Variants in ABR observed in about 807,000 individuals in gnomAD.
ABR encodes the protein ABR activator of RhoGEF and GTPase.
Under a neutral mutation model 107.2 loss-of-function variants are expected in ABR, and 35 were observed. The observed-to-expected ratio is 0.33, with a 90% confidence interval of 0.25 to 0.43. The LOEUF is 0.43. Ranked by LOEUF, ABR falls within the 20% of genes least tolerant of loss-of-function variation. The pLI is 1.00. For missense variants in ABR, 815 were observed against 1,115.2 expected, an observed-to-expected ratio of 0.73 and a Z score of 3.83; for synonymous variants, 498 against 462.0, an observed-to-expected ratio of 1.08 and a Z score of -1.00.
At position 1,153,386 on chromosome 17, in the gene ABR, G is replaced by GGTCC. The variant is rs879701988; in HGVS notation, c.61+26280_61+26281insGGAC. Among the ~76,000 whole-genome samples, 1,361 of 147,514 alleles carry GGTCC rather than the reference G, an allele frequency of 9.2e-3. 229 individuals are homozygous for GGTCC. The highest frequency in any genetic ancestry group is 0.021 in the Middle Eastern group (6 of 288). ...ATGGCACACCTGCGGGAGGGCTGGGGATCCAGGCACACCTGCGGGAGGGCT... is the reference window on the plus strand; with the variant it reads ...ATGGCACACCTGCGGGAGGGCTGGGGGTCCATCCAGGCACACCTGCGGGAGGGCT... On this transcript the variant is annotated intron_variant, in intron 1 of 22. Coordinates refer to ENST00000302538, the MANE Select transcript of ABR (RefSeq NM_021962.5).
At chr17:1,106,301 C>T (rs1435771778) in intron 2 of ABR, among the ~76,000 whole-genome samples, 1 of 152,050 alleles carries the variant, frequency 6.6e-6, no homozygotes, top group Non-Finnish European at 1.5e-5. Context: ...GGTAAGTACC[C>T]CTAAAGTAAA....
intron 1 of ABR, among the ~76,000 whole-genome samples, chr17:1,185,603 C>CCA (rs1416060528): frequency 1.4e-5 from 2 of 146,624 alleles, no homozygotes; most frequent in Admixed American, 1.4e-4. Context: ...CGAGATCGTG[C>CCA]CACTGCACTC....
chr17:1,082,373 C>A (rs2036292154), intron 5 of ABR, among the ~76,000 whole-genome samples: 1 of 151,436 alleles, frequency 6.6e-6, no homozygotes, highest in Admixed American at 6.6e-5. Flanking sequence ...TGCACCTCTG[C>A]CCTGTGGAGG....
In ABR at chr17:1,037,506, C is replaced by A. The variant is rs1483971348; in HGVS notation, c.1791+12544G>T. On this transcript the variant is annotated intron_variant, in intron 16 of 22. Transcript: ENST00000302538. The surrounding 1 kb of genome is among the most constrained non-coding windows in gnomAD (Gnocchi z 4.6). ...GCAAACCCTAGCGATTCTCACAGCACATTTGGTCATGGAAAAGGGTGAAAA... is the reference window on the plus strand; with the variant it reads ...GCAAACCCTAGCGATTCTCACAGCAAATTTGGTCATGGAAAAGGGTGAAAA... Among the ~76,000 whole-genome samples the A allele has an allele frequency of 3.9e-5, 6 of 152,366 alleles. No individual in the cohort carries two copies. In the South Asian group the frequency reaches 1.2e-3, roughly 32 times the overall value.
chr17:1,021,632 C>T (rs1383993077), intron 16 of ABR, among the ~76,000 whole-genome samples: 8 of 151,742 alleles, frequency 5.3e-5, no homozygotes, highest in Admixed American at 2.6e-4. Flanking sequence ...GGCGAAACCC[C>T]GTCTCTACTA....
chr17:1,100,163 C>G (rs1453162822), intron 3 of ABR, among the ~76,000 whole-genome samples: 4 of 151,288 alleles, frequency 2.6e-5, no homozygotes, highest in African/African-American at 7.3e-5. Flanking sequence ...CACAGCCTCC[C>G]ACCTCATATT....
Position 1,050,978 on chromosome 17 carries a change from T to G in ABR, c.1562-344A>C, listed in dbSNP as rs926357541. ...CTCCTCCCTCTAAAGGGCCCTTGAC[T>G]GTTCCGTCTCCACATCTTCCTCACC... On this transcript the variant is annotated intron_variant, in intron 14 of 22. Coordinates refer to ENST00000302538, the MANE Select transcript of ABR (RefSeq NM_021962.5). This position sits in a 1 kb window ranked among gnomAD's most constrained non-coding sequence, Gnocchi z 4.6. 4.6e-5 allele frequency among the ~76,000 whole-genome samples: 7 copies of G among 152,014 alleles called. No individual in the cohort carries two copies. The highest frequency in any genetic ancestry group is 8.8e-5 in the Non-Finnish European group (6 of 67,996).
chr17:1,148,506 G>A lies in ABR; in HGVS notation c.62-23139C>T, dbSNP rs1384729540. 6.6e-6 allele frequency among the ~76,000 whole-genome samples: 1 copy of A among 152,208 alleles called. No homozygotes were observed. The highest frequency in any genetic ancestry group is 1.5e-5 in the Non-Finnish European group (1 of 68,038). ...CCCGGGCATGGACCGGCACCAGTCCGTGGCCTGTTGGGAACCAGGATGCAC... is the reference window on the plus strand; with the variant it reads ...CCCGGGCATGGACCGGCACCAGTCCATGGCCTGTTGGGAACCAGGATGCAC... On this transcript the variant is annotated intron_variant, in intron 1 of 22. Transcript: ENST00000302538. The surrounding 1 kb of genome is among the most constrained non-coding windows in gnomAD (Gnocchi z 4.9).
intron 1 of ABR, among the ~76,000 whole-genome samples, chr17:1,224,872 G>A (rs1238096710): frequency 1.3e-5 from 2 of 152,066 alleles, no homozygotes; most frequent in Non-Finnish European, 2.9e-5. Context: ...GGGTCTCACC[G>A]GGTGCGGTGG....
At position 1,011,804 on chromosome 17, in the gene ABR, A is replaced by C; in HGVS notation, c.2101+42T>G. On this transcript the variant is annotated intron_variant, in intron 19 of 22. Transcript: ENST00000302538. The surrounding 1 kb of genome is among the most constrained non-coding windows in gnomAD (Gnocchi z 4.8). Reference sequence around the variant, plus strand: ...TCCTGTCCATCCCACCAGCCTGCTCAGACACAGCCACACCTGCCCCGGCTG... The same window carrying C: ...TCCTGTCCATCCCACCAGCCTGCTCCGACACAGCCACACCTGCCCCGGCTG... 3 of 1,535,382 alleles carry C rather than the reference A, an allele frequency of 2.0e-6. No homozygotes were observed. The highest frequency in any genetic ancestry group is 2.6e-6 in the Non-Finnish European group (3 of 1,135,172).
intron 16 of ABR, among the ~76,000 whole-genome samples, chr17:1,042,811 G>A (rs950764833): frequency 5.3e-5 from 8 of 152,234 alleles, no homozygotes; most frequent in Admixed American, 3.9e-4. Context: ...AACAGACGTG[G>A]CACCTACATC....
At chr17:1,170,527 C>T (rs2041668544) in intron 1 of ABR, among the ~76,000 whole-genome samples, 1 of 152,146 alleles carries the variant, frequency 6.6e-6, no homozygotes, top group South Asian at 2.1e-4. Flanking sequence ...ACCTCCGCCT[C>T]CCGGATTCAA....
At chr17:1,127,966 A>C (rs2039669931) in intron 1 of ABR, among the ~76,000 whole-genome samples, 1 of 152,192 alleles carries the variant, frequency 6.6e-6, no homozygotes, top group South Asian at 2.1e-4. Context: ...ACAGGATCAG[A>C]ACCCAGGTCT....
rs201385837 is a variant in ABR, at chr17:1,005,147, G to GCCT, written c.*930_*932dup. 1,729 of 398,788 alleles carry GCCT rather than the reference G, an allele frequency of 4.3e-3. 25 individuals carry two copies. Among genetic ancestry groups the GCCT allele is most frequent in the African/African-American group, 0.032 (1,563 of 48,744 alleles). 24.7% of individuals were successfully genotyped at this position (398,788 alleles called of 1,614,324 possible). ...GTGGTGTTTCCTCAGCAGCCTGACC[G>GCCT]CCTCCTCCCCCATTCTCTCCTGACC... On this transcript the variant is annotated 3_prime_UTR_variant, in exon 23 of 23. Transcript: ENST00000302538.
At chr17:1,128,543 T>A (rs1007971684) in intron 1 of ABR, among the ~76,000 whole-genome samples, 1 of 152,214 alleles carries the variant, frequency 6.6e-6, no homozygotes, top group East Asian at 1.9e-4. Flanking sequence ...GGGATATGTG[T>A]GGAACTTGCA....
chr17:1,173,772 T>C lies in ABR; in HGVS notation c.61+5895A>G, dbSNP rs189568379. Among the ~76,000 whole-genome samples the C allele has an allele frequency of 2.2e-3, 339 of 152,284 alleles. 3 individuals are homozygous for C. The highest frequency in any genetic ancestry group is 7.7e-3 in the African/African-American group (321 of 41,566). ...GTGCGGGAGCCGCTGTGGGAGGCGC[T>C]GCCTCAGAGCTGGTCTGATACCCTG... On this transcript the variant is annotated intron_variant, in intron 1 of 22. Coordinates refer to ENST00000302538, the MANE Select transcript of ABR (RefSeq NM_021962.5).
chr17:1,162,604 C>T (rs1013286661), intron 1 of ABR, among the ~76,000 whole-genome samples: 2 of 152,354 alleles, frequency 1.3e-5, no homozygotes, highest in Admixed American at 6.5e-5. Flanking sequence ...TAGCTCTCCC[C>T]GCACTCCTCA....
chr17:1,055,082 G>A (rs187073081), intron 14 of ABR, among the ~76,000 whole-genome samples: 136 of 152,258 alleles, frequency 8.9e-4, no homozygotes, highest in African/African-American at 3.0e-3. Context: ...GATAAAAAGC[G>A]CAACCAGGCC....
upstream of ABR, among the ~76,000 whole-genome samples, chr17:1,183,948 T>C (rs35772501): frequency 0.78 from 119,337 of 152,132 alleles, 47,712 homozygotes; most frequent in Middle Eastern, 0.89. Context: ...CGGTGGCTCA[T>C]GCCTGTAATC....
Sources: allele counts gnomAD v4.1 joint callset (sites outside exome capture counted in the v4.1 genomes callset), GRCh38; gene constraint gnomAD v4.1.1; non-coding constraint Gnocchi (gnomAD v3.1); transcripts MANE v1.5; gene names NCBI Gene and HGNC (gene_info 2026-07-23, HGNC 2026-07-21).